The following PATJ variants were observed in gnomAD, a reference collection of about 807,000 sequenced individuals.
PATJ encodes the protein inaD-like protein.
PATJ carries 190 observed loss-of-function variants against 224.9 expected under a neutral mutation model. That is an observed-to-expected ratio of 0.84 (90% CI 0.75 to 0.95). The LOEUF is 0.95. Ranked by LOEUF, PATJ falls within the 40% of genes least tolerant of loss-of-function variation. The probability of loss-of-function intolerance (pLI) is 0.00; values close to 1 mark genes in which losing one functional copy is unlikely to be tolerated. For missense variants in PATJ, 2,121 were observed against 2,270.3 expected, an observed-to-expected ratio of 0.93 and a Z score of 1.34; for synonymous variants, 769 against 820.3, an observed-to-expected ratio of 0.94 and a Z score of 1.07.
At chr1:61,868,095 G>A (rs553875408) in intron 20 of PATJ, among the ~76,000 whole-genome samples, 2 of 152,234 alleles carry the variant, frequency 1.3e-5, no homozygotes, top group South Asian at 4.1e-4. Flanking sequence ...TTTAGCTGAA[G>A]AGTAAAAACA....
At position 62,163,481 on chromosome 1, in the gene PATJ, C is replaced by T. The variant is rs967474343; in HGVS notation, c.*2427C>T. 8 of 152,482 alleles carry T rather than the reference C, an allele frequency of 5.2e-5. No individual in the cohort carries two copies. The highest frequency in any genetic ancestry group is 1.0e-4 in the Non-Finnish European group (7 of 68,028). 9.4% of individuals were successfully genotyped at this position (152,482 alleles called of 1,614,324 possible). A position where few individuals can be genotyped will look rare whatever the true frequency, so the allele number is the denominator to read the frequency against. On this transcript the variant is annotated 3_prime_UTR_variant, in exon 44 of 44. Transcript: ENST00000642238. ...TTCTGCTTTATTTTGATGGAATGGC[C>T]ATTAAATACACATTTTGAGATAATA...
intron 42 of PATJ, among the ~76,000 whole-genome samples, chr1:62,150,415 C>G (rs1210426653): frequency 6.6e-6 from 1 of 152,046 alleles, no homozygotes; most frequent in Non-Finnish European, 1.5e-5. Context: ...GAGCTAAATT[C>G]ATTGAGAGAG....
chr1:62,127,577 G>A (rs1345211424), intron 39 of PATJ, among the ~76,000 whole-genome samples: 2 of 152,188 alleles, frequency 1.3e-5, no homozygotes, highest in Non-Finnish European at 2.9e-5. Flanking sequence ...AGGCCAAGGC[G>A]GGTGGATCAC....
chr1:61,890,249 T>TGG (rs1256914625), intron 22 of PATJ, among the ~76,000 whole-genome samples: 1 of 151,932 alleles, frequency 6.6e-6, no homozygotes, highest in Non-Finnish European at 1.5e-5. Context: ...GTGGCCAAGG[T>TGG]GGGAGAATCG....
intron 27 of PATJ, among the ~76,000 whole-genome samples, chr1:61,946,792 G>T (rs1477367450): frequency 6.6e-6 from 1 of 152,168 alleles, no homozygotes; most frequent in Non-Finnish European, 1.5e-5. Flanking sequence ...CAATATCCCT[G>T]ATGAACATCG....
intron 41 of PATJ, among the ~76,000 whole-genome samples, chr1:62,142,461 T>C (rs1290978894): frequency 6.6e-6 from 1 of 151,990 alleles, no homozygotes; most frequent in African/African-American, 2.4e-5. Flanking sequence ...CCACAGAAAA[T>C]TGAGTCCCAT....
At chr1:61,785,259 C>T (rs188384363) in intron 7 of PATJ, among the ~76,000 whole-genome samples, 1 of 152,284 alleles carries the variant, frequency 6.6e-6, no homozygotes, top group Non-Finnish European at 1.5e-5. Context: ...TATTTTTCAT[C>T]TTCATTTCAT....
At chr1:62,103,899 G>A (rs528981187) in intron 33 of PATJ, among the ~76,000 whole-genome samples, 30 of 152,172 alleles carry the variant, frequency 2.0e-4, no homozygotes, top group African/African-American at 6.3e-4. Flanking sequence ...CAAGTCCCAC[G>A]GCCAACAGTA....
At chr1:61,944,762 GAC>G (rs943021040) in intron 27 of PATJ, among the ~76,000 whole-genome samples, 1 of 152,060 alleles carries the variant, frequency 6.6e-6, no homozygotes, top group African/African-American at 2.4e-5. Flanking sequence ...GCAACCCCAA[GAC>G]ACAAAATTGT....
rs762052826 is a variant in PATJ, at chr1:62,148,263, T to A, written c.5272-21T>A. 3.0e-5 allele frequency: 47 copies of A among 1,548,058 alleles called. No homozygotes were observed. In the Admixed American group the frequency reaches 4.3e-4, roughly 14 times the overall value. The stretch of plus-strand genomic sequence containing the variant: ...CTCCCCTTCTTTATAATGAAATACC[T>A]TTTTTTCACTTTTTCCCCAGGTTGT... On this transcript the variant is annotated intron_variant, in intron 41 of 43. Coordinates refer to ENST00000642238, the MANE Select transcript of PATJ (RefSeq NM_001350145.3).
intron 13 of PATJ, among the ~76,000 whole-genome samples, chr1:61,806,925 G>T (rs1268382042): frequency 6.6e-6 from 1 of 152,070 alleles, no homozygotes; most frequent in Non-Finnish European, 1.5e-5. Context: ...GCCAAGAAGG[G>T]TGGATCACTT....
At chr1:62,049,824 C>T (rs531284790) in intron 30 of PATJ, among the ~76,000 whole-genome samples, 61 of 152,228 alleles carry the variant, frequency 4.0e-4, no homozygotes, top group African/African-American at 1.3e-3. Context: ...GTGGTTTCCA[C>T]GTGCCAGGCA....
chr1:61,847,393 T>C (rs2148867373), intron 17 of PATJ, among the ~76,000 whole-genome samples: 1 of 152,350 alleles, frequency 6.6e-6, no homozygotes, highest in South Asian at 2.1e-4. Context: ...CTGTGCTTAC[T>C]GTGCAGCTCT....
intron 11 of PATJ, 107 bp downstream of exon 11, chr1:61,797,535 C>A: frequency 4.5e-6 from 4 of 893,112 alleles, no homozygotes; most frequent in Non-Finnish European, 7.1e-6. Flanking sequence ...TGTCCCACCT[C>A]GTGTAATACA....
rs1680111237 is a variant in PATJ at position 61,954,226 on chromosome 1, C to A, written c.3670+26397C>A. On this transcript the variant is annotated intron_variant, in intron 27 of 43. Transcript: ENST00000642238. Reference sequence around the variant, plus strand: ...TTAATACACTTTGGTAGTCTTATGACTTAGTCTATCTTATATTATGTTCAC... The same window carrying A: ...TTAATACACTTTGGTAGTCTTATGAATTAGTCTATCTTATATTATGTTCAC... Among the ~76,000 whole-genome samples, 5 of 152,276 alleles carry A rather than the reference C, an allele frequency of 3.3e-5. No homozygotes were observed. In the South Asian group the frequency reaches 1.0e-3, roughly 32 times the overall value.
chr1:62,012,417 G>T (rs1355242116), intron 28 of PATJ, among the ~76,000 whole-genome samples: 1 of 152,126 alleles, frequency 6.6e-6, no homozygotes, highest in Non-Finnish European at 1.5e-5. Flanking sequence ...CTCAGTAAAT[G>T]GTAGCCTTTA....
At position 62,157,386 on chromosome 1, in the gene PATJ, TA is replaced by T. The variant is rs1351985537; in HGVS notation, c.5503-3520del. On this transcript the variant is annotated intron_variant, in intron 43 of 43. Coordinates refer to ENST00000642238, the MANE Select transcript of PATJ (RefSeq NM_001350145.3). The stretch of plus-strand genomic sequence containing the variant: ...TAATTCAACCCCTCCAGAAATTATT[TA>T]ATTCAGCCCCTTATAACTCCTACAC... 1.3e-5 allele frequency among the ~76,000 whole-genome samples: 2 copies of T among 149,262 alleles called. 1 individual carries two copies. The highest frequency in any genetic ancestry group is 4.8e-5 in the African/African-American group (2 of 41,242).
chr1:61,852,186 C>T (rs1345780089), intron 17 of PATJ, among the ~76,000 whole-genome samples: 1 of 140,214 alleles, frequency 7.1e-6, no homozygotes, highest in Non-Finnish European at 1.5e-5. Context: ...CTGAACCAAA[C>T]ATATGGTACA....
intron 31 of PATJ, among the ~76,000 whole-genome samples, chr1:62,057,253 T>C (rs1217884598): frequency 3.3e-5 from 5 of 152,076 alleles, no homozygotes; most frequent in Non-Finnish European, 7.4e-5. Flanking sequence ...AAGCTGACAA[T>C]AATTGGGAAT....
Sources: allele counts gnomAD v4.1 joint callset (sites outside exome capture counted in the v4.1 genomes callset), GRCh38; gene constraint gnomAD v4.1.1; transcripts MANE v1.5; gene names NCBI Gene and HGNC (gene_info 2026-07-23, HGNC 2026-07-21).